The following KPNA3 variants were observed in gnomAD, a reference collection of about 807,000 sequenced individuals.
KPNA3 encodes the protein importin subunit alpha-4.
In KPNA3, 13 loss-of-function variants were observed where a neutral mutation model predicts 73.8. The observed-to-expected ratio is 0.18, with a 90% confidence interval of 0.11 to 0.28. The LOEUF is 0.28. KPNA3 is among the 10% of genes least tolerant of loss of function. The pLI is 1.00. For synonymous variants in KPNA3, 186 were observed against 206.9 expected, an observed-to-expected ratio of 0.90 and a Z score of 0.87; for missense variants, 360 against 618.1, an observed-to-expected ratio of 0.58 and a Z score of 4.43.
At chr13:49,748,226 T>C (rs1214437702) in intron 1 of KPNA3, among the ~76,000 whole-genome samples, 1 of 152,206 alleles carries the variant, frequency 6.6e-6, no homozygotes, top group Non-Finnish European at 1.5e-5. Context: ...TAATGATTCA[T>C]ATTTTTAAAA....
intron 1 of KPNA3, among the ~76,000 whole-genome samples, chr13:49,771,222 T>C (rs914666770): frequency 2.6e-5 from 4 of 152,124 alleles, no homozygotes. Context: ...GAAATTGCAT[T>C]GAATCTCTTA....
At chr13:49,786,452 T>C (rs1385741476) in intron 1 of KPNA3, among the ~76,000 whole-genome samples, 2 of 152,190 alleles carry the variant, frequency 1.3e-5, no homozygotes, top group African/African-American at 2.4e-5. Context: ...TAGTACCAAG[T>C]ATACTGTAAG....
intron 2 of KPNA3, among the ~76,000 whole-genome samples, chr13:49,740,452 G>A (rs12431148): frequency 9.2e-5 from 14 of 152,134 alleles, no homozygotes; most frequent in Admixed American, 6.6e-5. Context: ...CCCGTGTGCC[G>A]TGGGAGGTGA....
intron 1 of KPNA3, among the ~76,000 whole-genome samples, chr13:49,750,274 A>C (rs1954650768): frequency 6.6e-6 from 1 of 152,178 alleles, no homozygotes; most frequent in African/African-American, 2.4e-5. Context: ...GTTACATTAT[A>C]AATGATATTA....
intron 2 of KPNA3, among the ~76,000 whole-genome samples, chr13:49,745,843 C>G (rs1954611980): frequency 6.7e-6 from 1 of 150,158 alleles, no homozygotes. Context: ...GCGGGCAGAT[C>G]ACGAGGTCAG....
chr13:49,791,345 C>T (rs1323882661), intron 1 of KPNA3, among the ~76,000 whole-genome samples: 1 of 152,204 alleles, frequency 6.6e-6, no homozygotes, highest in East Asian at 1.9e-4. Context: ...TTCCCCCTAA[C>T]AAATCCAAAG....
At chr13:49,725,533 C>T (rs941224790) in intron 6 of KPNA3, 32 bp from the exon 7 acceptor site, 2 of 1,310,232 alleles carry the variant, frequency 1.5e-6, no homozygotes, top group South Asian at 2.4e-5. Context: ...TCTTTTTAGA[C>T]ACATAACTAC....
intron 2 of KPNA3, among the ~76,000 whole-genome samples, chr13:49,744,308 T>C (rs1954598430): frequency 2.0e-5 from 3 of 152,346 alleles, no homozygotes; most frequent in Middle Eastern, 3.4e-3. Flanking sequence ...CTGGTCTAAA[T>C]GACCCAAAGA....
At chr13:49,789,457 T>C (rs1157012352) in intron 1 of KPNA3, among the ~76,000 whole-genome samples, 1 of 152,234 alleles carries the variant, frequency 6.6e-6, no homozygotes, top group African/African-American at 2.4e-5. Flanking sequence ...TCTATCCTTT[T>C]ATTTTCTTTA....
intron 1 of KPNA3, among the ~76,000 whole-genome samples, chr13:49,782,435 T>C (rs1268658506): frequency 1.3e-5 from 2 of 152,156 alleles, no homozygotes; most frequent in Non-Finnish European, 2.9e-5. Flanking sequence ...ACTTTACAAA[T>C]TATCTACCTG....
chr13:49,722,622 C>A, intron 7 of KPNA3, 59 bp from the exon 8 acceptor site: 1 of 1,084,668 alleles, frequency 9.2e-7, no homozygotes, highest in South Asian at 1.5e-5. Context: ...TTACAGATTT[C>A]AGATCAAAGA....
intron 1 of KPNA3, among the ~76,000 whole-genome samples, chr13:49,775,162 CAAAAAAAAAAAAAAAAAAA>C (rs60494803): frequency 1.1e-5 from 1 of 93,062 alleles, no homozygotes; most frequent in Non-Finnish European, 2.0e-5. Flanking sequence ...GACTCTGTCT[CAAAAAAAAAAAAAAAAAAA>C]AAAAAGAAAA....
At chr13:49,733,941 C>T (rs1160998496) in intron 2 of KPNA3, among the ~76,000 whole-genome samples, 1 of 152,212 alleles carries the variant, frequency 6.6e-6, no homozygotes, top group Non-Finnish European at 1.5e-5. Flanking sequence ...AACAGTTGAA[C>T]TGGCCTGTGC....
chr13:49,740,790 A>G (rs191538253), intron 2 of KPNA3, among the ~76,000 whole-genome samples: 173 of 152,160 alleles, frequency 1.1e-3, no homozygotes, highest in African/African-American at 4.0e-3. Flanking sequence ...CTTTGAATCA[A>G]TATCTCCCCA....
intron 10 of KPNA3, among the ~76,000 whole-genome samples, chr13:49,713,441 T>G (rs1277596670): frequency 6.6e-6 from 1 of 152,138 alleles, no homozygotes; most frequent in Non-Finnish European, 1.5e-5. Context: ...CTTTATACCC[T>G]GATAATGGCA....
At position 49,725,851 on chromosome 13, in the gene KPNA3, A is replaced by AG. The variant is rs1344690665; in HGVS notation, c.384-351dup. On this transcript the variant is annotated intron_variant, in intron 6 of 16. Transcript: ENST00000261667. ...GAGATAGGGTTTCACTATGTTGGCC[A>AG]GGCTGGTCCTGAACCCCTGACTTCA... Among the ~76,000 whole-genome samples, 3 of 152,150 alleles carry AG rather than the reference A, an allele frequency of 2.0e-5. No homozygotes were observed. The South Asian group carries it at 6.2e-4, about 31-fold the overall frequency.
chr13:49,719,343 C>T (rs962500147), intron 10 of KPNA3, among the ~76,000 whole-genome samples: 1 of 152,138 alleles, frequency 6.6e-6, no homozygotes, highest in African/African-American at 2.4e-5. Context: ...GACTCTGACC[C>T]TTACTAGCTC....
chr13:49,730,853 C>T (rs1288616274), intron 6 of KPNA3, among the ~76,000 whole-genome samples: 1 of 147,492 alleles, frequency 6.8e-6, no homozygotes, highest in Non-Finnish European at 1.5e-5. Context: ...CTCGGCTCAC[C>T]GCAACCTCCG....
intron 2 of KPNA3, among the ~76,000 whole-genome samples, chr13:49,739,665 T>TA (rs761157968): frequency 3.9e-5 from 6 of 152,192 alleles, no homozygotes; most frequent in Non-Finnish European, 7.3e-5. Flanking sequence ...GTGTGATCCT[T>TA]ACACTAGTTA....
Sources: gnomAD v4.1 joint callset for allele counts (sites outside exome capture counted in the v4.1 genomes callset) on GRCh38, gnomAD v4.1.1 for gene constraint, MANE v1.5 for transcripts, NCBI Gene and HGNC (gene_info 2026-07-23, HGNC 2026-07-21) for gene names.